The following KDM2A variants were observed in gnomAD, a reference collection of about 807,000 sequenced individuals.
The protein encoded by KDM2A is lysine demethylase 2A.
A neutral mutation model predicts 137.3 loss-of-function variants in KDM2A; 3 were observed. The observed-to-expected ratio is 0.02, with a 90% confidence interval of 0.01 to 0.06. The LOEUF (loss-of-function observed/expected upper bound fraction) is 0.06, where lower values mean the gene tolerates loss of function less well. Among genes scored for constraint, KDM2A ranks in the 10% least tolerant of loss-of-function variants. KDM2A has a pLI of 1.00. For missense variants in KDM2A, 738 were observed against 1,510.6 expected (o/e 0.49, Z 8.48); for synonymous variants, 512 against 541.5 (o/e 0.95, Z 0.76).
chr11:67,185,635 C>T lies in KDM2A; in HGVS notation c.307+3743C>T, dbSNP rs556278624. On this transcript the variant is annotated intron_variant, in intron 5 of 20. Coordinates refer to ENST00000529006, the MANE Select transcript of KDM2A (RefSeq NM_012308.3). ...GCCTTGGTGACGAGCGAAACTCTGT[C>T]GCAAAAAAAAAAAAAAAGTTATCCC... Among the ~76,000 whole-genome samples the T allele has an allele frequency of 2.4e-3, 341 of 144,420 alleles. 1 individual carries two copies. Among genetic ancestry groups the T allele is most frequent in the Admixed American group, 4.3e-3 (63 of 14,510 alleles). 94.7% of individuals were successfully genotyped at this position (144,420 alleles called of 152,430 possible).
At chr11:67,164,999 T>C (rs970531011) in intron 2 of KDM2A, among the ~76,000 whole-genome samples, 6 of 152,202 alleles carry the variant, frequency 3.9e-5, no homozygotes, top group South Asian at 2.1e-4. Flanking sequence ...GCTTTAACTT[T>C]AGTTGGTGCA....
Position 67,252,054 on chromosome 11 carries a change from G to A in KDM2A, c.2769-640G>A, listed in dbSNP as rs146469240. Reference sequence around the variant, plus strand: ...TTTGTGGCCTGTAGATTTGTAGACTGCAGTGGAAAGCCAGGCCTATCCCTT... The same window carrying A: ...TTTGTGGCCTGTAGATTTGTAGACTACAGTGGAAAGCCAGGCCTATCCCTT... On this transcript the variant is annotated intron_variant, in intron 17 of 20. Transcript: ENST00000529006. Among the ~76,000 whole-genome samples, 118 of 152,296 alleles carry A rather than the reference G, an allele frequency of 7.7e-4. 2 individuals carry two copies. Among genetic ancestry groups the A allele is most frequent in the African/African-American group, 2.8e-3 (115 of 41,560 alleles).
intron 10 of KDM2A, among the ~76,000 whole-genome samples, chr11:67,224,297 A>G (rs1293587497): frequency 6.6e-6 from 1 of 152,088 alleles, no homozygotes; most frequent in Non-Finnish European, 1.5e-5. Context: ...CTTTTGAAAT[A>G]TGGCCTCTCT....
At position 67,247,071 on chromosome 11, in the gene KDM2A, ATTT is replaced by A. The variant is rs1156333048; in HGVS notation, c.1965+987_1965+989del. 3.6e-3 allele frequency among the ~76,000 whole-genome samples: 61 copies of A among 16,764 alleles called. 1 individual carries two copies. The highest frequency in any genetic ancestry group is 8.4e-3 in the African/African-American group (42 of 5,010). 11.0% of individuals were successfully genotyped at this position (16,764 alleles called of 152,430 possible). On this transcript the variant is annotated intron_variant, in intron 15 of 20. Transcript: ENST00000529006. ...TATATATATATATATATATATATAT[ATTT>A]TTTTTTTTTTTTTTTTTTTTTTTTT...
intron 6 of KDM2A, among the ~76,000 whole-genome samples, chr11:67,214,148 C>T (rs1858082072): frequency 6.6e-6 from 1 of 151,870 alleles, no homozygotes; most frequent in Non-Finnish European, 1.5e-5. Context: ...TCAAGCGATT[C>T]TCCTGCCTCA....
At chr11:67,167,487 A>G (rs912448790) in intron 2 of KDM2A, among the ~76,000 whole-genome samples, 2 of 152,094 alleles carry the variant, frequency 1.3e-5, no homozygotes, top group Admixed American at 6.5e-5. Flanking sequence ...CATTCTGTAT[A>G]TAAGTAGCTA....
chr11:67,213,857 G>GT (rs1472675554), intron 6 of KDM2A, among the ~76,000 whole-genome samples: 1 of 151,510 alleles, frequency 6.6e-6, no homozygotes, highest in Non-Finnish European at 1.5e-5. Context: ...AGTTATCTTA[G>GT]TTTTTTTGTG....
At chr11:67,183,254 G>A (rs754044847) in intron 5 of KDM2A, among the ~76,000 whole-genome samples, 1 of 152,162 alleles carries the variant, frequency 6.6e-6, no homozygotes, top group African/African-American at 2.4e-5. Flanking sequence ...AACACTCAGG[G>A]GACCTCAGAA....
chr11:67,132,578 C>T (rs749459792), intron 2 of KDM2A, among the ~76,000 whole-genome samples: 5 of 152,172 alleles, frequency 3.3e-5, no homozygotes, highest in Admixed American at 2.0e-4. Flanking sequence ...TGAGCCGCTG[C>T]GTCCAGCCAG....
intron 5 of KDM2A, among the ~76,000 whole-genome samples, chr11:67,200,623 C>G (rs988233007): frequency 1.2e-4 from 18 of 152,156 alleles, no homozygotes; most frequent in Admixed American, 4.6e-4. Flanking sequence ...GGTGATCCTT[C>G]CACCTCAGCC....
At position 67,218,254 on chromosome 11, in the gene KDM2A, T is replaced by TC. The variant is rs903431442; in HGVS notation, c.841+371dup. Among the ~76,000 whole-genome samples, 6 of 152,276 alleles carry TC rather than the reference T, an allele frequency of 3.9e-5. No homozygotes were observed. The East Asian group carries it at 9.7e-4, about 25-fold the overall frequency. ...TGGCTGTGAAGGCTGGAGTGCTCAGTCAGGGATGTTTTTGATCAAGTCATT... is the reference window on the plus strand; with the variant it reads ...TGGCTGTGAAGGCTGGAGTGCTCAGTCCAGGGATGTTTTTGATCAAGTCATT... On this transcript the variant is annotated intron_variant, in intron 9 of 20. Coordinates refer to ENST00000529006, the MANE Select transcript of KDM2A (RefSeq NM_012308.3).
intron 2 of KDM2A, among the ~76,000 whole-genome samples, chr11:67,158,943 C>A (rs1441278818): frequency 6.6e-6 from 1 of 152,052 alleles, no homozygotes; most frequent in African/African-American, 2.4e-5. Context: ...ATGTGTTTTG[C>A]GCATTTCTCC....
intron 2 of KDM2A, among the ~76,000 whole-genome samples, chr11:67,127,574 T>C (rs772461019): frequency 7.9e-5 from 12 of 152,178 alleles, no homozygotes; most frequent in Non-Finnish European, 1.3e-4. Context: ...AATAGCTAAA[T>C]CATTTATCTG....
Position 67,231,717 on chromosome 11 carries a change from A to G in KDM2A, c.1236A>G (p.Arg412=). The change falls in exon 12 of 21, where the codon CGA becomes CGG. Residue 412 remains arginine (R), a synonymous_variant. Coordinates refer to ENST00000529006, the MANE Select transcript of KDM2A (RefSeq NM_012308.3). ...ATGATGGACTGGGCAAAACCTGCCG[A>G]AGTCTTCCAAGTCTGAAGAAAACTT... ...LDYDGLGKTC[R]SLPSLKKTLA... is the part of the protein sequence containing the mutation. 6.2e-7 allele frequency: 1 copy of G among 1,613,992 alleles called. No individual in the cohort carries two copies. The highest frequency in any genetic ancestry group is 8.5e-7 in the Non-Finnish European group (1 of 1,179,880).
chr11:67,202,616 C>CA (rs60849469), intron 5 of KDM2A, among the ~76,000 whole-genome samples: 4,931 of 146,292 alleles, frequency 0.034, 238 homozygotes, highest in African/African-American at 0.11. Context: ...ACTAAAAATA[C>CA]AAAAAAAAAA....
intron 2 of KDM2A, among the ~76,000 whole-genome samples, chr11:67,137,153 C>G (rs1178221395): frequency 6.6e-6 from 1 of 152,094 alleles, no homozygotes; most frequent in Non-Finnish European, 1.5e-5. Flanking sequence ...ACCAGCTAAG[C>G]CAACCAACTA....
At chr11:67,238,530 G>A (rs1858935397) in intron 12 of KDM2A, among the ~76,000 whole-genome samples, 1 of 152,096 alleles carries the variant, frequency 6.6e-6, no homozygotes, top group Non-Finnish European at 1.5e-5. Context: ...TTAGGGTTAG[G>A]ATGACCATAT....
chr11:67,141,220 C>T (rs1226750846), intron 2 of KDM2A, among the ~76,000 whole-genome samples: 1 of 152,008 alleles, frequency 6.6e-6, no homozygotes, highest in Non-Finnish European at 1.5e-5. Flanking sequence ...ATATGCGAAA[C>T]AATTTTTCCA....
intron 6 of KDM2A, among the ~76,000 whole-genome samples, chr11:67,210,639 A>G (rs1442863810): frequency 1.3e-5 from 2 of 152,224 alleles, no homozygotes; most frequent in Non-Finnish European, 2.9e-5. Flanking sequence ...AGGCCACAAT[A>G]CTAATATCTT....
Sources: allele counts gnomAD v4.1 joint callset (sites outside exome capture counted in the v4.1 genomes callset), GRCh38; gene constraint gnomAD v4.1.1; transcripts MANE v1.5; gene names NCBI Gene and HGNC (gene_info 2026-07-23, HGNC 2026-07-21).